ASMT: variants seen among roughly 807,000 people sequenced by gnomAD.
ASMT encodes the protein acetylserotonin O-methyltransferase.
In ASMT, 53 loss-of-function variants were observed where a neutral mutation model predicts 41.3. The observed-to-expected ratio is 1.28, with a 90% CI of 1.03 to 1.61. ASMT has a LOEUF of 1.61. Among genes scored for constraint, ASMT ranks in the 40% most tolerant of loss-of-function variants. The probability of loss-of-function intolerance (pLI) is 0.00; values close to 1 mark genes in which losing one functional copy is unlikely to be tolerated. For synonymous variants in ASMT, 231 were observed against 184.8 expected (o/e 1.25, Z -2.03); for missense variants, 531 against 441.3 (o/e 1.20, Z -1.82).
At chrX:1,628,048 C>T (rs1246095463) in intron 4 of ASMT, 57 of 511,996 alleles carry the variant, frequency 1.1e-4, no homozygotes, top group African/African-American at 5.2e-4. Context: ...GCGCCGGGCG[C>T]GGTGGCTCAC....
At chrX:1,634,782 G>A (rs1399300782) in intron 7 of ASMT, among the ~76,000 whole-genome samples, 1 of 150,600 alleles carries the variant, frequency 6.6e-6, no homozygotes, top group African/African-American at 2.4e-5. Context: ...TTTTGCCTCA[G>A]CCTCCTAAGT....
At chrX:1,616,113 C>G (rs1229787280) in intron 1 of ASMT, among the ~76,000 whole-genome samples, 8 of 151,296 alleles carry the variant, frequency 5.3e-5, no homozygotes, top group Admixed American at 2.6e-4. Context: ...ACTGCAACCT[C>G]CGCCTCCAGG....
At chrX:1,628,326 A>C (rs1603461477) in intron 4 of ASMT, among the ~76,000 whole-genome samples, 1 of 152,188 alleles carries the variant, frequency 6.6e-6, no homozygotes, top group Admixed American at 6.5e-5. Context: ...CATCTCAAAA[A>C]AGAAAAGAAA....
chrX:1,629,673 A>T lies in ASMT; in HGVS notation c.444-148A>T, dbSNP rs1193655741. On this transcript the variant is annotated intron_variant, in intron 4 of 8. Transcript: ENST00000381241. ...CTGACCTATGGTTCCCCCATCCCGA[A>T]TGACTTCCTGTTCCATTTCACAAAT... 5 of 816,678 alleles carry T rather than the reference A, an allele frequency of 6.1e-6. No homozygotes were observed. The African/African-American group carries it at 6.7e-5, about 11-fold the overall frequency. 50.6% of individuals were successfully genotyped at this position (816,678 alleles called of 1,614,324 possible). A position where few individuals can be genotyped will look rare whatever the true frequency, so the allele number is the denominator to read the frequency against.
At chrX:1,642,729 A>T (rs771613571) in intron 8 of ASMT, 74 bp from the exon 9 acceptor site, 42 of 1,411,808 alleles carry the variant, frequency 3.0e-5, no homozygotes, top group African/African-American at 1.1e-4. Flanking sequence ...GGCTGTCCTT[A>T]TGGTTCACTG....
At chrX:1,628,192 A>G (rs1282778324) in intron 4 of ASMT, among the ~76,000 whole-genome samples, 10 of 151,976 alleles carry the variant, frequency 6.6e-5, no homozygotes, top group African/African-American at 1.5e-4. Context: ...GTGGTGGCGG[A>G]CGCCTGTAAT....
intron 4 of ASMT, among the ~76,000 whole-genome samples, chrX:1,628,693 C>G (rs1229067680): frequency 6.6e-6 from 1 of 150,864 alleles, no homozygotes. Context: ...CTCTTCTCTC[C>G]TCTCTTTTCC....
At position 1,636,801 on chromosome X, in the gene ASMT, G is replaced by C. The variant is rs1199893647; in HGVS notation, c.910+241G>C. Among the ~76,000 whole-genome samples, 7 of 152,380 alleles carry C rather than the reference G, an allele frequency of 4.6e-5. No individual in the cohort carries two copies. In the South Asian group the frequency reaches 1.0e-3, roughly 23 times the overall value. On this transcript the variant is annotated intron_variant, in intron 8 of 8. Coordinates refer to ENST00000381241, the MANE Select transcript of ASMT (RefSeq NM_001171038.2). ...TCTGAAACTTCAGTGGCCTCACTTT[G>C]GTGAAATTCTTTCAGAATTAGGCTA...
intron 2 of ASMT, 58 bp from the exon 3 acceptor site, chrX:1,624,211 C>T (rs1391136236): frequency 2.0e-5 from 33 of 1,611,298 alleles, no homozygotes; most frequent in Non-Finnish European, 2.5e-5. Context: ...GGGGAGCGTC[C>T]GCCGGCAGGA....
At chrX:1,616,569 G>T (rs1474346232) in intron 1 of ASMT, among the ~76,000 whole-genome samples, 1 of 151,284 alleles carries the variant, frequency 6.6e-6, no homozygotes, top group Non-Finnish European at 1.5e-5. Context: ...CCTGAATTAT[G>T]CTTGAAAAGG....
intron 5 of ASMT, among the ~76,000 whole-genome samples, chrX:1,632,426 C>T (rs778412197): frequency 1.5e-4 from 23 of 152,208 alleles, no homozygotes; most frequent in African/African-American, 3.6e-4. Context: ...CCGAGATGGG[C>T]GGATCACGAG....
intron 7 of ASMT, among the ~76,000 whole-genome samples, chrX:1,633,692 T>TGTA (rs1934859581): frequency 1.4e-5 from 2 of 145,368 alleles, no homozygotes; most frequent in South Asian, 4.4e-4. Context: ...CGGGCTGGAG[T>TGTA]GTGGTGACAG....
At chrX:1,619,351 G>A (rs773622373) in intron 1 of ASMT, among the ~76,000 whole-genome samples, 70 of 147,984 alleles carry the variant, frequency 4.7e-4, no homozygotes, top group African/African-American at 1.4e-3. Flanking sequence ...CCGAGATCAC[G>A]CCACTGCACT....
At chrX:1,628,197 T>C (rs1163511555) in intron 4 of ASMT, among the ~76,000 whole-genome samples, 2 of 152,176 alleles carry the variant, frequency 1.3e-5, no homozygotes, top group African/African-American at 4.8e-5. Context: ...GGCGGACGCC[T>C]GTAATCCCAG....
intron 3 of ASMT, among the ~76,000 whole-genome samples, chrX:1,625,104 C>CTT (rs1330663748): frequency 0.12 from 15,756 of 126,182 alleles, 1,360 homozygotes; most frequent in Admixed American, 0.22. Context: ...CTTTTCTTTT[C>CTT]TTTCTTTTTT....
intron 1 of ASMT, among the ~76,000 whole-genome samples, chrX:1,620,387 C>T (rs759810631): frequency 6.2e-4 from 94 of 151,532 alleles, no homozygotes; most frequent in Non-Finnish European, 1.3e-3. Flanking sequence ...AGGCTGGTGT[C>T]GAACTCTTGA....
intron 1 of ASMT, 95 bp from the exon 2 acceptor site, chrX:1,623,044 C>A: frequency 1.6e-6 from 2 of 1,254,042 alleles, no homozygotes; most frequent in Non-Finnish European, 2.3e-6. Flanking sequence ...TAAAACAATG[C>A]TTTCCTCCCT....
intron 7 of ASMT, among the ~76,000 whole-genome samples, chrX:1,634,816 T>C (rs1191015171): frequency 1.3e-5 from 2 of 151,628 alleles, no homozygotes; most frequent in Non-Finnish European, 2.9e-5. Flanking sequence ...CAGGTGCCTA[T>C]CACCATGCCT....
rs770514887 is a variant in ASMT at position 1,628,897 on chromosome X, C to T, written c.444-924C>T. On this transcript the variant is annotated intron_variant, in intron 4 of 8. Transcript: ENST00000381241. ...TCCTTTTCTCCTCCTCTCTTCTCCT[C>T]GGTCTGCTTTCCTTTCCCCCGTTTC... Among the ~76,000 whole-genome samples, 14 of 151,138 alleles carry T rather than the reference C, an allele frequency of 9.3e-5. No individual in the cohort carries two copies. In the East Asian group the frequency reaches 1.2e-3, roughly 13 times the overall value.
Sources: gnomAD v4.1 joint callset for allele counts (sites outside exome capture counted in the v4.1 genomes callset) on GRCh38, gnomAD v4.1.1 for gene constraint, MANE v1.5 for transcripts, NCBI Gene and HGNC (gene_info 2026-07-23, HGNC 2026-07-21) for gene names.